The following FABP4 variants were observed in gnomAD, a reference collection of about 807,000 sequenced individuals.
The protein encoded by FABP4 is fatty acid binding protein 4, also known as fatty acid-binding protein, adipocyte.
A neutral mutation model predicts 14.6 loss-of-function variants in FABP4; 17 were observed. The ratio of observed to expected loss-of-function variants is 1.16; its 90% CI spans 0.80 to 1.74. FABP4 has a LOEUF of 1.74. FABP4 is among the 40% of genes most tolerant of loss of function. The pLI, the probability that FABP4 is intolerant of heterozygous loss-of-function variation, is 0.00. For synonymous variants in FABP4, 54 were observed against 54.6 expected (o/e 0.99, Z 0.05); for missense variants, 149 against 160.3 (o/e 0.93, Z 0.38).
chr8:81,479,734 AT>A (rs111528692), intron 2 of FABP4: 55,906 of 360,390 alleles, frequency 0.16, 4,746 homozygotes, highest in South Asian at 0.19. Flanking sequence ...AATTGGAAAA[AT>A]TACTGTGAAG....
Position 81,480,582 on chromosome 8 carries a change from G to GT in FABP4, c.89_90insA (p.Arg31GlnfsTer10). On this transcript the variant is annotated frameshift_variant, in exon 2 of 4. Transcript: ENST00000256104. LOFTEE classifies it high-confidence loss of function. ...GTTTGGCCATGCCAGCCACTTTCCTGGTGGCAAAGCCCACTCCTACAGTTA... is the reference window on the plus strand; with the variant it reads ...GTTTGGCCATGCCAGCCACTTTCCTGTGTGGCAAAGCCCACTCCTACAGTTA... 1 of 1,611,136 alleles carries GT rather than the reference G, an allele frequency of 6.2e-7. No homozygotes were observed. The highest frequency in any genetic ancestry group is 8.5e-7 in the Non-Finnish European group (1 of 1,178,652).
intron 1 of FABP4, among the ~76,000 whole-genome samples, chr8:81,482,583 C>G (rs950311234): frequency 6.6e-6 from 1 of 152,090 alleles, no homozygotes; most frequent in Non-Finnish European, 1.5e-5. Flanking sequence ...AAATTTTTGT[C>G]TATCATAAAA....
chr8:81,482,047 G>C (rs1384977003), intron 1 of FABP4, among the ~76,000 whole-genome samples: 1 of 152,054 alleles, frequency 6.6e-6, no homozygotes, highest in Non-Finnish European at 1.5e-5. Flanking sequence ...TTCTGCATCA[G>C]TGCATATTAA....
chr8:81,482,206 C>T (rs528916708), intron 1 of FABP4, among the ~76,000 whole-genome samples: 14 of 152,184 alleles, frequency 9.2e-5, no homozygotes, highest in East Asian at 5.8e-4. Flanking sequence ...AAGTGTTTTG[C>T]GATTTAATGA....
At position 81,479,054 on chromosome 8, in the gene FABP4, T is replaced by G. The variant is rs952068794; in HGVS notation, c.349-139A>C. On this transcript the variant is annotated intron_variant, in intron 3 of 3. Coordinates refer to ENST00000256104, the MANE Select transcript of FABP4 (RefSeq NM_001442.3). ...GACTCCTATATATGTAACCCATATA[T>G]TGTAATAAGATAGGGAGATATAAAG... 5.5e-6 allele frequency: 4 copies of G among 724,896 alleles called. No homozygotes were observed. In the African/African-American group the frequency reaches 7.1e-5, roughly 13 times the overall value. 44.9% of individuals were successfully genotyped at this position (724,896 alleles called of 1,614,324 possible).
intron 3 of FABP4, 118 bp downstream of exon 3, chr8:81,479,296 A>C: frequency 1.2e-6 from 1 of 837,266 alleles, no homozygotes; most frequent in Admixed American, 2.4e-5. Flanking sequence ...CATAATTCCA[A>C]TAAAATCCTC....
Position 81,483,132 on chromosome 8 carries a change from G to A in FABP4, c.36C>T (p.Val12=). ...TATAATCATCAAAGTTTTCACTGGA[G>A]ACAAGTTTCCAGGTACCTACAAAAG... ...CDAFVGTWKL[V]SSENFDDYMK... is the part of the protein sequence containing the mutation. The change falls in exon 1 of 4, where the codon GTC becomes GTT. Residue 12 remains valine, a synonymous_variant. Transcript: ENST00000256104. 6.2e-7 allele frequency: 1 copy of A among 1,609,814 alleles called. No homozygotes were observed. The highest frequency in any genetic ancestry group is 8.5e-7 in the Non-Finnish European group (1 of 1,178,086).
intron 1 of FABP4, 21 bp downstream of exon 1, chr8:81,483,065 ATCCAGTCAT>A: frequency 6.5e-7 from 1 of 1,545,506 alleles, no homozygotes; most frequent in Non-Finnish European, 8.9e-7. Context: ...AATATTATAA[ATCCAGTCAT>A]TCCACAACGC....
Position 81,480,551 on chromosome 8 carries a change from T to C in FABP4, c.121A>G (p.Met41Val), listed in dbSNP as rs201912500. Residue 41 changes from methionine to valine, a missense_variant, in exon 2 of 4, where the codon ATG becomes GTG. Transcript: ENST00000256104. The stretch of plus-strand genomic sequence containing the variant: ...ACATCCCCATTCACACTGATGATCA[T>C]GTTAGGTTTGGCCATGCCAGCCACT... Reference protein sequence around the residue: ...RKVAGMAKPNMIISVNGDVIT... With the variant: ...RKVAGMAKPNVIISVNGDVIT... 6.1e-5 allele frequency: 98 copies of C among 1,613,310 alleles called. 2 individuals are homozygous for C. Among genetic ancestry groups the C allele is most frequent in the Non-Finnish European group, 1.2e-5 (14 of 1,179,680 alleles).
intron 2 of FABP4, 162 bp from the exon 3 acceptor site, chr8:81,479,677 T>A: frequency 1.9e-6 from 1 of 539,278 alleles, no homozygotes; most frequent in South Asian, 2.7e-5. Context: ...AACAACAACA[T>A]AACCACTTAT....
chr8:81,479,586 T>G, intron 2 of FABP4, 71 bp from the exon 3 acceptor site: 2 of 1,032,142 alleles, frequency 1.9e-6, no homozygotes, highest in Non-Finnish European at 3.0e-6. Context: ...AGAGTGCCTT[T>G]GTTCAAAGGA....
chr8:81,482,367 T>G (rs2129802458), intron 1 of FABP4, among the ~76,000 whole-genome samples: 1 of 152,248 alleles, frequency 6.6e-6, no homozygotes, highest in Non-Finnish European at 1.5e-5. Flanking sequence ...CTGATTTACC[T>G]CCATAGTTAT....
intron 1 of FABP4, among the ~76,000 whole-genome samples, chr8:81,481,615 G>A (rs1360758603): frequency 6.6e-6 from 1 of 152,180 alleles, no homozygotes; most frequent in Non-Finnish European, 1.5e-5. Context: ...TAGAAATTGG[G>A]AAGAACTGGG....
Position 81,478,626 on chromosome 8 carries a change from T to C in FABP4, c.*239A>G, listed in dbSNP as rs1808007286. 2.6e-6 allele frequency: 1 copy of C among 386,566 alleles called. No individual in the cohort carries two copies. Among genetic ancestry groups the C allele is most frequent in the Non-Finnish European group, 4.7e-6 (1 of 214,710 alleles). The allele number at this position is 386,566 out of a possible 1,614,324, so 23.9% of individuals were successfully genotyped here. A position where few individuals can be genotyped will look rare whatever the true frequency, so the allele number is the denominator to read the frequency against. On this transcript the variant is annotated 3_prime_UTR_variant, in exon 4 of 4. Coordinates refer to ENST00000256104, the MANE Select transcript of FABP4 (RefSeq NM_001442.3). Reference sequence around the variant, plus strand: ...CAAAGAAATAATGCAAATTTCCCATTTCCTTCACTCAGTTATGACTAAGAA... The same window carrying C: ...CAAAGAAATAATGCAAATTTCCCATCTCCTTCACTCAGTTATGACTAAGAA...
intron 1 of FABP4, among the ~76,000 whole-genome samples, 191 bp downstream of exon 1, chr8:81,482,904 G>A (rs1808101665): frequency 6.6e-6 from 1 of 152,120 alleles, no homozygotes; most frequent in South Asian, 2.1e-4. Context: ...GGAAACATTA[G>A]TTGTAGCTTT....
At position 81,480,540 on chromosome 8, in the gene FABP4, A is replaced by G; in HGVS notation, c.132T>C (p.Ser44=). The G allele has an allele frequency of 3.1e-6, 5 of 1,613,690 alleles. No individual in the cohort carries two copies. The highest frequency in any genetic ancestry group is 4.2e-6 in the Non-Finnish European group (5 of 1,179,744). The part of the protein sequence containing the change: ...AGMAKPNMII[S]VNGDVITIKS... ...TAATGGTGATCACATCCCCATTCAC[A>G]CTGATGATCATGTTAGGTTTGGCCA... Residue 44 remains serine (S), a synonymous_variant, in exon 2 of 4, where the codon AGT becomes AGC. Transcript: ENST00000256104.
chr8:81,479,018 A>G, intron 3 of FABP4, 103 bp from the exon 4 acceptor site: 3 of 1,007,340 alleles, frequency 3.0e-6, no homozygotes, highest in Non-Finnish European at 4.6e-6. Flanking sequence ...TTCCAAAGAT[A>G]TTCATTTCTG....
At chr8:81,480,847 T>C (rs113647148) in intron 1 of FABP4, among the ~76,000 whole-genome samples, 1 of 152,120 alleles carries the variant, frequency 6.6e-6, no homozygotes, top group African/African-American at 2.4e-5. Flanking sequence ...GCCTATTCTT[T>C]AAACTTCCCT....
chr8:81,480,748 G>T, intron 1 of FABP4, 150 bp from the exon 2 acceptor site: 23 of 370,288 alleles, frequency 6.2e-5, no homozygotes, highest in East Asian at 9.1e-5. Flanking sequence ...AGCTCCTGCA[G>T]ATAAAATCAG....
Sources: allele counts gnomAD v4.1 joint callset (sites outside exome capture counted in the v4.1 genomes callset), GRCh38; gene constraint gnomAD v4.1.1; transcripts MANE v1.5; gene names NCBI Gene and HGNC (gene_info 2026-07-23, HGNC 2026-07-21).